The following CASKIN2 variants were observed in gnomAD, a reference collection of about 807,000 sequenced individuals.
The protein encoded by CASKIN2 is caskin-2.
Under a neutral mutation model 107.1 loss-of-function variants are expected in CASKIN2, and 41 were observed. The observed-to-expected ratio is 0.38, with a 90% CI of 0.30 to 0.50. CASKIN2 has a LOEUF of 0.50. Ranked by LOEUF, CASKIN2 falls within the 20% of genes least tolerant of loss-of-function variation. The pLI is 0.92. For missense variants in CASKIN2, 1,546 were observed against 1,657.4 expected (o/e 0.93, Z 1.17); for synonymous variants, 724 against 705.6 (o/e 1.03, Z -0.41).
rs768055132 is a variant in CASKIN2 at position 75,503,240 on chromosome 17, G to A, written c.1834C>T (p.Leu612Phe). 2.5e-6 allele frequency: 4 copies of A among 1,590,400 alleles called. No homozygotes were observed. Among genetic ancestry groups the A allele is most frequent in the East Asian group, 2.2e-5 (1 of 44,572 alleles). Reference protein sequence around the residue: ...GVNKLGHQKKLMLGVKRLAEL... With the variant: ...GVNKLGHQKKFMLGVKRLAEL... Reference sequence around the variant, plus strand: ...GCCAGCCGCTTCACCCCCAGCATGAGCTTCTTCTGATGCCCTGAGATGGGG... The same window carrying A: ...GCCAGCCGCTTCACCCCCAGCATGAACTTCTTCTGATGCCCTGAGATGGGG... The change falls in exon 18 of 20, where the codon CTC becomes TTC. Residue 612 changes from leucine (L) to phenylalanine (F), a missense_variant. Leu to Phe is a conservative substitution (Grantham distance 22, BLOSUM62 0). Around this residue, in one of 6 missense-constraint regions of CASKIN2, gnomAD observed 1,311 missense variants for 1,311.0 expected, o/e 1.00. Transcript: ENST00000321617.
Position 75,505,778 on chromosome 17 carries a change from C to T in CASKIN2, c.835+43G>A, listed in dbSNP as rs773225545. ...CCTCCACATCCTGGTACCACTTGAG[C>T]GGCCCCAGGCCCCCTGGGCAGGGTA... On this transcript the variant is annotated intron_variant, in intron 9 of 19. Coordinates refer to ENST00000321617, the MANE Select transcript of CASKIN2 (RefSeq NM_020753.5). This position sits in a 1 kb window ranked among gnomAD's most constrained non-coding sequence, Gnocchi z 5.1. The T allele has an allele frequency of 2.5e-5, 40 of 1,588,072 alleles. No homozygotes were observed. The Admixed American group carries it at 4.9e-4, about 19-fold the overall frequency.
At chr17:75,511,791 C>A (rs962913093) in intron 2 of CASKIN2, among the ~76,000 whole-genome samples, 1 of 152,168 alleles carries the variant, frequency 6.6e-6, no homozygotes, top group Admixed American at 6.5e-5. Flanking sequence ...GGGAACTTCT[C>A]GGAGCCTAAG....
intron 2 of CASKIN2, among the ~76,000 whole-genome samples, chr17:75,510,411 C>G (rs1338593440): frequency 6.6e-6 from 1 of 152,092 alleles, no homozygotes. Flanking sequence ...AAGGGGAGTC[C>G]TGACGCCTCC....
intron 2 of CASKIN2, among the ~76,000 whole-genome samples, chr17:75,509,192 C>T (rs918112144): frequency 2.6e-5 from 4 of 152,244 alleles, no homozygotes; most frequent in Non-Finnish European, 2.9e-5. Context: ...GTGCTCCCTG[C>T]GAGAGCCAGG....
chr17:75,500,600 A>G lies in CASKIN2; in HGVS notation c.*480T>C. ...AGCTGCCTGGGCACCACCGCTGTGTATTTACATGTCCTCTGTACACCTACG... is the reference window on the plus strand; with the variant it reads ...AGCTGCCTGGGCACCACCGCTGTGTGTTTACATGTCCTCTGTACACCTACG... On this transcript the variant is annotated 3_prime_UTR_variant, in exon 20 of 20. Coordinates refer to ENST00000321617, the MANE Select transcript of CASKIN2 (RefSeq NM_020753.5). 5.9e-6 allele frequency: 1 copy of G among 170,690 alleles called. No individual in the cohort carries two copies. The highest frequency in any genetic ancestry group is 1.3e-5 in the Non-Finnish European group (1 of 78,788). The allele number at this position is 170,690 out of a possible 1,614,324, so 10.6% of individuals were successfully genotyped here. A position where few individuals can be genotyped will look rare whatever the true frequency, so the allele number is the denominator to read the frequency against.
rs760120602 is a variant in CASKIN2 at position 75,506,570 on chromosome 17, A to AC, written c.617+12dup. ...AGGCAGGTGATGAGGAAGCGAGGGG[A>AC]CCCCAAGGGTACCTGATGACTTCTC... On this transcript the variant is annotated intron_variant, in intron 7 of 19. Coordinates refer to ENST00000321617, the MANE Select transcript of CASKIN2 (RefSeq NM_020753.5). The surrounding 1 kb of genome is among the most constrained non-coding windows in gnomAD (Gnocchi z 4.8). 8.7e-6 allele frequency: 14 copies of AC among 1,611,182 alleles called. No individual in the cohort carries two copies. The East Asian group carries it at 3.1e-4, about 36-fold the overall frequency.
At chr17:75,501,713 T>C (rs9892311) in intron 18 of CASKIN2, 23 bp from the exon 19 acceptor site, 1,359,345 of 1,538,840 alleles carry the variant, frequency 0.88, 606,956 homozygotes, top group African/African-American at 0.98. Flanking sequence ...AAAGGTTGGC[T>C]TGGGACTTGG....
chr17:75,501,627 G>A lies in CASKIN2; in HGVS notation c.3359C>T (p.Ala1120Val), dbSNP rs745919717. 13 of 1,597,526 alleles carry A rather than the reference G, an allele frequency of 8.1e-6. No individual in the cohort carries two copies. Among genetic ancestry groups the A allele is most frequent in the Middle Eastern group, 1.7e-4 (1 of 6,050 alleles). The part of the protein sequence containing the change: ...TQLAFSGPKL[A>V]PRLGPRPVPP... ...CACTGGGCGGGGGCCGAGCCGGGGCGCTAGCTTAGGGCCAGAAAATGCCAG... is the reference window on the plus strand; with the variant it reads ...CACTGGGCGGGGGCCGAGCCGGGGCACTAGCTTAGGGCCAGAAAATGCCAG... The change falls in exon 19 of 20, where the codon GCG (alanine) becomes GTG (valine). Residue 1120 changes from alanine to valine, a missense_variant. By Grantham distance (64) the Ala-to-Val change is moderately conservative (BLOSUM62 0). Coordinates refer to ENST00000321617, the MANE Select transcript of CASKIN2 (RefSeq NM_020753.5).
chr17:75,510,949 G>A (rs1426370247), intron 2 of CASKIN2, among the ~76,000 whole-genome samples: 1 of 151,700 alleles, frequency 6.6e-6, no homozygotes, highest in African/African-American at 2.4e-5. Flanking sequence ...GGCATTGCCT[G>A]TAGTACCAGC....
At chr17:75,507,492 C>G in intron 4 of CASKIN2, 92 bp downstream of exon 4, 2 of 925,394 alleles carry the variant, frequency 2.2e-6, no homozygotes, top group Non-Finnish European at 3.5e-6. Flanking sequence ...ATTAGCATTG[C>G]TACGTTGTCA....
Position 75,500,967 on chromosome 17 carries a change from G to A in CASKIN2, c.*113C>T, listed in dbSNP as rs555381107. 1,298 of 1,008,368 alleles carry A rather than the reference G, an allele frequency of 1.3e-3. 7 individuals are homozygous for A. The highest frequency in any genetic ancestry group is 8.9e-3 in the East Asian group (341 of 38,114). The allele number at this position is 1,008,368 out of a possible 1,614,324, so 62.5% of individuals were successfully genotyped here. Reference sequence around the variant, plus strand: ...GAGTGGGAAGGGGCCCTGCTAGGAGGGGCACTTCAGCCTGACCAGCCCTTG... The same window carrying A: ...GAGTGGGAAGGGGCCCTGCTAGGAGAGGCACTTCAGCCTGACCAGCCCTTG... On this transcript the variant is annotated 3_prime_UTR_variant, in exon 20 of 20. Coordinates refer to ENST00000321617, the MANE Select transcript of CASKIN2 (RefSeq NM_020753.5).
Position 75,506,049 on chromosome 17 carries a change from G to A in CASKIN2, c.727-120C>T. The A allele has an allele frequency of 3.6e-6, 3 of 837,492 alleles. No homozygotes were observed. In the South Asian group the frequency reaches 5.0e-5, roughly 14 times the overall value. 51.9% of individuals were successfully genotyped at this position (837,492 alleles called of 1,614,324 possible). On this transcript the variant is annotated intron_variant, in intron 8 of 19. Coordinates refer to ENST00000321617, the MANE Select transcript of CASKIN2 (RefSeq NM_020753.5). The surrounding 1 kb of genome is among the most constrained non-coding windows in gnomAD (Gnocchi z 4.8). ...TTCCGATTTTACAGATGAGGACATAGAGGCTCAGGGACTCAGTCAAGGACA... is the reference window on the plus strand; with the variant it reads ...TTCCGATTTTACAGATGAGGACATAAAGGCTCAGGGACTCAGTCAAGGACA...
chr17:75,513,295 A>T (rs2053329956), intron 2 of CASKIN2, among the ~76,000 whole-genome samples: 1 of 151,986 alleles, frequency 6.6e-6, no homozygotes, highest in Non-Finnish European at 1.5e-5. Flanking sequence ...ATAAAAAAAA[A>T]TTAGCCGGGC....
intron 16 of CASKIN2, 51 bp from the exon 17 acceptor site, chr17:75,503,578 C>A (rs777009438): frequency 6.2e-7 from 1 of 1,603,126 alleles, no homozygotes; most frequent in South Asian, 1.1e-5. Context: ...CCGCCCCCAG[C>A]CAGAGGAGAA....
At position 75,502,802 on chromosome 17, in the gene CASKIN2, A is replaced by G. The variant is rs201485110; in HGVS notation, c.2272T>C (p.Tyr758His). ...GQGPPPYVFM[Y>H]PQGSPSSPAP... The stretch of plus-strand genomic sequence containing the variant: ...GGGCTAGAGGGTGAGCCCTGGGGGT[A>G]CATAAAAACATAGGGTGGGGGTCCT... The change falls in exon 18 of 20, where the codon TAC (tyrosine) becomes CAC (histidine). Residue 758 changes from tyrosine to histidine, a missense_variant. Physicochemically the swap from Tyr to His is moderately conservative, Grantham distance 83. Around this residue, in one of 6 missense-constraint regions of CASKIN2, gnomAD observed 1,311 missense variants for 1,311.0 expected, o/e 1.00. Coordinates refer to ENST00000321617, the MANE Select transcript of CASKIN2 (RefSeq NM_020753.5). This position sits in a 1 kb window ranked among gnomAD's most constrained non-coding sequence, Gnocchi z 4.3. The G allele has an allele frequency of 1.9e-6, 3 of 1,577,220 alleles. No homozygotes were observed. The Admixed American group carries it at 5.4e-5, about 28-fold the overall frequency.
intron 3 of CASKIN2, 77 bp downstream of exon 3, chr17:75,508,154 ATCT>A: frequency 6.8e-7 from 1 of 1,465,620 alleles, no homozygotes; most frequent in Non-Finnish European, 9.5e-7. Context: ...GGGCCTCAGG[ATCT>A]TTCCCTCCAG....
chr17:75,507,765 TG>T, intron 3 of CASKIN2, 84 bp from the exon 4 acceptor site: 2 of 1,074,994 alleles, frequency 1.9e-6, no homozygotes, highest in Non-Finnish European at 2.8e-6. Context: ...GAACCTATCC[TG>T]GGGGCTGGCA....
intron 16 of CASKIN2, 63 bp downstream of exon 16, chr17:75,503,596 C>A: frequency 6.2e-7 from 1 of 1,604,360 alleles, no homozygotes. Flanking sequence ...GAAAAGGCAC[C>A]GCAAAGCCAC....
chr17:75,512,085 C>T (rs2053320402), intron 2 of CASKIN2, among the ~76,000 whole-genome samples: 1 of 152,250 alleles, frequency 6.6e-6, no homozygotes, highest in African/African-American at 2.4e-5. Context: ...CCTCTCCAGG[C>T]CCTGCGTCTC....
Sources: gnomAD v4.1 joint callset for allele counts (sites outside exome capture counted in the v4.1 genomes callset) on GRCh38, gnomAD v4.1.1 for gene constraint, gnomAD v4.1.1 regional missense constraint, Gnocchi (gnomAD v3.1) non-coding constraint, MANE v1.5 for transcripts, NCBI Gene and HGNC (gene_info 2026-07-23, HGNC 2026-07-21) for gene names.